The following RALYL variants were observed in gnomAD, a reference collection of about 807,000 sequenced individuals.
The protein encoded by RALYL is RNA-binding Raly-like protein.
RALYL carries 29 observed loss-of-function variants against 35.1 expected under a neutral mutation model. The observed-to-expected ratio is 0.83, with a 90% CI of 0.61 to 1.13. RALYL has a LOEUF of 1.13. RALYL is among the 50% of genes most tolerant of loss of function. The pLI is 0.00. For synonymous variants in RALYL, 120 were observed against 127.6 expected, an observed-to-expected ratio of 0.94 and a Z score of 0.40; for missense variants, 359 against 360.4, an observed-to-expected ratio of 1.00 and a Z score of 0.03.
chr8:84,425,789 G>GTA (rs2046354048), intron 1 of RALYL, among the ~76,000 whole-genome samples: 4 of 148,322 alleles, frequency 2.7e-5, no homozygotes, highest in African/African-American at 7.6e-5. Flanking sequence ...TCTTCTGTGT[G>GTA]TGTGTGTGTG....
chr8:84,541,207 G>C (rs2059997737), intron 2 of RALYL, among the ~76,000 whole-genome samples: 2 of 151,062 alleles, frequency 1.3e-5, no homozygotes, highest in Admixed American at 1.3e-4. Context: ...TTGATTTTTA[G>C]CTTCTCATGT....
chr8:84,470,480 T>C (rs964921787), intron 1 of RALYL, among the ~76,000 whole-genome samples: 3 of 149,180 alleles, frequency 2.0e-5, no homozygotes, highest in Non-Finnish European at 4.5e-5. Context: ...TTTTTTTTTT[T>C]CTGTTGCCAA....
intron 2 of RALYL, among the ~76,000 whole-genome samples, chr8:84,605,016 T>A (rs1426154885): frequency 6.6e-6 from 1 of 152,146 alleles, no homozygotes; most frequent in African/African-American, 2.4e-5. Flanking sequence ...ACTACCTTCC[T>A]AAAATCTAGT....
chr8:84,899,573 G>T (rs2135544398), intron 8 of RALYL, among the ~76,000 whole-genome samples: 1 of 152,236 alleles, frequency 6.6e-6, no homozygotes, highest in Middle Eastern at 3.4e-3. Flanking sequence ...ATTATACAAA[G>T]AATGGAAGCA....
chr8:84,887,703 G>A lies in RALYL; in HGVS notation c.785G>A (p.Gly262Glu). Reference protein sequence around the residue: ...DHSTEEPAEGGPDADGEEMTD... With the variant: ...DHSTEEPAEGEPDADGEEMTD... ...TCTACAGAGGAGCCTGCTGAAGGAG[G>A]GCCAGATGCCGATGGAGAAGAGATG... The change falls in exon 8 of 9, where the codon GGG (glycine) becomes GAG (glutamate). Residue 262 changes from glycine (G) to glutamate (E), a missense_variant. Transcript: ENST00000521268. 1 of 1,613,868 alleles carries A rather than the reference G, an allele frequency of 6.2e-7. No individual in the cohort carries two copies. The highest frequency in any genetic ancestry group is 8.5e-7 in the Non-Finnish European group (1 of 1,179,830).
chr8:84,243,094 G>A (rs182997296), intron 1 of RALYL, among the ~76,000 whole-genome samples: 3 of 152,182 alleles, frequency 2.0e-5, no homozygotes, highest in Admixed American at 2.0e-4. Context: ...TATTAAACAG[G>A]GAATTCTTTC....
intron 4 of RALYL, among the ~76,000 whole-genome samples, chr8:84,823,249 C>T (rs1828904501): frequency 6.6e-6 from 1 of 152,168 alleles, no homozygotes; most frequent in Non-Finnish European, 1.5e-5. Flanking sequence ...GACAAGACTA[C>T]ATCTTTGCCT....
At chr8:84,902,851 T>G (rs993435543) in intron 8 of RALYL, among the ~76,000 whole-genome samples, 14 of 152,186 alleles carry the variant, frequency 9.2e-5, no homozygotes, top group Non-Finnish European at 1.8e-4. Flanking sequence ...GGATTTTGTA[T>G]GTCAAACTTA....
chr8:84,746,347 C>T (rs1808603209), intron 2 of RALYL, among the ~76,000 whole-genome samples: 2 of 151,918 alleles, frequency 1.3e-5, no homozygotes, highest in Admixed American at 1.3e-4. Flanking sequence ...AAACATAAAA[C>T]TGAAATTTTA....
intron 2 of RALYL, among the ~76,000 whole-genome samples, chr8:84,570,224 G>T (rs1807600553): frequency 1.3e-5 from 2 of 151,634 alleles, no homozygotes; most frequent in South Asian, 4.1e-4. Flanking sequence ...ATGAGCATGG[G>T]ATTTTTTTAT....
chr8:84,689,733 G>GCAC lies in RALYL; in HGVS notation c.257-84844_257-84842dup, dbSNP rs1837621686. ...TTCCTATTTCTCCACATCCTCTCCA[G>GCAC]CACCTGTTGTTTCCTGACTTTTTAA... On this transcript the variant is annotated intron_variant, in intron 2 of 8. Coordinates refer to ENST00000521268, the MANE Select transcript of RALYL (RefSeq NM_173848.7). Among the ~76,000 whole-genome samples, 4 of 152,100 alleles carry GCAC rather than the reference G, an allele frequency of 2.6e-5. No homozygotes were observed. In the South Asian group the frequency reaches 8.3e-4, roughly 31 times the overall value.
intron 1 of RALYL, among the ~76,000 whole-genome samples, chr8:84,186,860 A>G (rs1319995173): frequency 3.3e-5 from 5 of 152,010 alleles, no homozygotes; most frequent in African/African-American, 1.2e-4. Context: ...GAATTCTACA[A>G]CTCTTAAACT....
At chr8:84,884,631 A>T (rs898643979) in intron 7 of RALYL, among the ~76,000 whole-genome samples, 1 of 152,086 alleles carries the variant, frequency 6.6e-6, no homozygotes, top group East Asian at 1.9e-4. Flanking sequence ...TCATTAGAGA[A>T]GAAATGGATA....
chr8:84,701,141 G>A (rs1840110465), intron 2 of RALYL, among the ~76,000 whole-genome samples: 1 of 152,124 alleles, frequency 6.6e-6, no homozygotes, highest in South Asian at 2.1e-4. Context: ...TTAACTGTGA[G>A]TAACTTTACA....
chr8:84,563,687 T>C (rs1472523218), intron 2 of RALYL, among the ~76,000 whole-genome samples: 1 of 151,826 alleles, frequency 6.6e-6, no homozygotes, highest in African/African-American at 2.4e-5. Flanking sequence ...CCTTACACTG[T>C]GGTTAAAGAT....
intron 1 of RALYL, among the ~76,000 whole-genome samples, chr8:84,453,234 T>G (rs2133229672): frequency 6.6e-6 from 1 of 151,980 alleles, no homozygotes. Context: ...ACATATATAA[T>G]TAGAGCTCTT....
rs542555648 is a variant in RALYL, at chr8:84,504,101, A to G, written c.-23-25198A>G. Among the ~76,000 whole-genome samples the G allele has an allele frequency of 1.1e-4, 17 of 152,196 alleles. No homozygotes were observed. The South Asian group carries it at 3.5e-3, about 32-fold the overall frequency. On this transcript the variant is annotated intron_variant, in intron 1 of 8. Coordinates refer to ENST00000521268, the MANE Select transcript of RALYL (RefSeq NM_173848.7). ...ATCCTGGGAGATACTTAACTAAAAT[A>G]AAATAGTTACTATAAAGAACAACAT...
intron 1 of RALYL, among the ~76,000 whole-genome samples, chr8:84,284,863 G>T (rs1279481882): frequency 6.6e-6 from 1 of 152,200 alleles, no homozygotes; most frequent in African/African-American, 2.4e-5. Context: ...TAATTACAGT[G>T]AAGGATATAA....
intron 1 of RALYL, among the ~76,000 whole-genome samples, chr8:84,386,367 TACATA>T (rs1229321851): frequency 6.6e-6 from 1 of 151,890 alleles, no homozygotes; most frequent in Non-Finnish European, 1.5e-5. Flanking sequence ...ATTTACTTGT[TACATA>T]ACATGTATCA....
Sources: allele counts gnomAD v4.1 joint callset (sites outside exome capture counted in the v4.1 genomes callset), GRCh38; gene constraint gnomAD v4.1.1; transcripts MANE v1.5; gene names NCBI Gene and HGNC (gene_info 2026-07-23, HGNC 2026-07-21).